UBE2G1: variants seen among roughly 807,000 people sequenced by gnomAD.
The protein encoded by UBE2G1 is ubiquitin conjugating enzyme E2 G1.
UBE2G1 carries 5 observed loss-of-function variants against 22.7 expected under a neutral mutation model. The ratio of observed to expected loss-of-function variants is 0.22; its 90% confidence interval spans 0.12 to 0.46. UBE2G1 has a LOEUF of 0.46. Among genes scored for constraint, UBE2G1 ranks in the 20% least tolerant of loss-of-function variants. The pLI is 0.99. For missense variants in UBE2G1, 88 were observed against 203.9 expected (o/e 0.43, Z 3.46); for synonymous variants, 74 against 67.5 (o/e 1.10, Z -0.47).
chr17:4,277,894 T>G (rs1029346264), intron 5 of UBE2G1, among the ~76,000 whole-genome samples: 8 of 152,026 alleles, frequency 5.3e-5, no homozygotes, highest in African/African-American at 1.9e-4. Flanking sequence ...AAAGCCGGCC[T>G]TGGGGAAACA....
chr17:4,278,557 A>T (rs1598177575), intron 5 of UBE2G1, among the ~76,000 whole-genome samples: 2 of 150,300 alleles, frequency 1.3e-5, no homozygotes, highest in East Asian at 4.3e-4. Context: ...AAGCTAGCAT[A>T]CTATACTCTG....
chr17:4,286,234 G>C (rs901041710), intron 4 of UBE2G1, among the ~76,000 whole-genome samples: 6 of 151,728 alleles, frequency 4.0e-5, no homozygotes, highest in Non-Finnish European at 8.8e-5. Context: ...GCAAAACCCT[G>C]TCTCTACTAA....
chr17:4,350,027 A>G (rs944965363), intron 1 of UBE2G1, among the ~76,000 whole-genome samples: 1 of 152,014 alleles, frequency 6.6e-6, no homozygotes, highest in East Asian at 1.9e-4. Context: ...GACTCAAGCA[A>G]TCCTCCTGCC....
intron 1 of UBE2G1, among the ~76,000 whole-genome samples, chr17:4,316,938 TAAAA>T (rs33950725): frequency 1.2e-4 from 16 of 134,276 alleles, no homozygotes; most frequent in Non-Finnish European, 9.4e-5. Context: ...GTCTCTTGAA[TAAAA>T]AAAAAAAAAA....
intron 1 of UBE2G1, among the ~76,000 whole-genome samples, chr17:4,315,604 G>A (rs1047629189): frequency 6.6e-6 from 1 of 151,312 alleles, no homozygotes; most frequent in African/African-American, 2.4e-5. Context: ...GCCGGGCGTG[G>A]TGGCGGGCGC....
intron 2 of UBE2G1, chr17:4,301,476 C>A: frequency 1.2e-6 from 1 of 803,776 alleles, no homozygotes; most frequent in Middle Eastern, 2.7e-4. Context: ...CTATAATAAT[C>A]CTGCTGCCCT....
At chr17:4,316,530 G>A (rs1969375979) in intron 1 of UBE2G1, among the ~76,000 whole-genome samples, 1 of 152,096 alleles carries the variant, frequency 6.6e-6, no homozygotes, top group African/African-American at 2.4e-5. Context: ...ACTGAAAAAA[G>A]TCAAGCATAG....
intron 1 of UBE2G1, among the ~76,000 whole-genome samples, chr17:4,341,915 G>A (rs1012609899): frequency 6.6e-5 from 10 of 152,076 alleles, no homozygotes; most frequent in Admixed American, 3.9e-4. Context: ...CACTGACGCC[G>A]CTCACACTCC....
chr17:4,356,320 T>C (rs1427467254), intron 1 of UBE2G1, among the ~76,000 whole-genome samples: 2 of 151,814 alleles, frequency 1.3e-5, no homozygotes, highest in East Asian at 2.0e-4. Flanking sequence ...ATGGTGCTAC[T>C]GCACTTCAGC....
At chr17:4,344,411 G>T (rs9907368) in intron 1 of UBE2G1, among the ~76,000 whole-genome samples, 3 of 151,830 alleles carry the variant, frequency 2.0e-5, no homozygotes, top group African/African-American at 7.3e-5. Context: ...GTGGTGATGG[G>T]GGCCTGTAGT....
chr17:4,322,985 T>C (rs1004559153), intron 1 of UBE2G1, among the ~76,000 whole-genome samples: 2 of 152,114 alleles, frequency 1.3e-5, no homozygotes, highest in Non-Finnish European at 2.9e-5. Flanking sequence ...CCTGAATTGT[T>C]TGAGAGGTTT....
At chr17:4,322,273 G>T (rs959502779) in intron 1 of UBE2G1, among the ~76,000 whole-genome samples, 4 of 152,160 alleles carry the variant, frequency 2.6e-5, no homozygotes. Context: ...AGCAGACCAT[G>T]CCAGGTCCAA....
chr17:4,286,851 G>GGCCAACA (rs933465654), intron 4 of UBE2G1, among the ~76,000 whole-genome samples: 5 of 152,056 alleles, frequency 3.3e-5, no homozygotes. Context: ...AGACCAGCCT[G>GGCCAACA]GCCAACATGG....
rs138180510 is a variant in UBE2G1, at chr17:4,326,159, A to C, written c.47-19036T>G. On this transcript the variant is annotated intron_variant, in intron 1 of 5. Transcript: ENST00000396981. ...CTTTAGTTCATCAAAAGCAACCCCC[A>C]AAAAAATGGGAAAAATATTGTAAAT... 1.2e-3 allele frequency among the ~76,000 whole-genome samples: 179 copies of C among 152,052 alleles called. 1 individual carries two copies. The highest frequency in any genetic ancestry group is 3.5e-3 in the East Asian group (18 of 5,182).
At chr17:4,335,657 T>C (rs549665232) in intron 1 of UBE2G1, among the ~76,000 whole-genome samples, 37 of 152,316 alleles carry the variant, frequency 2.4e-4, no homozygotes, top group South Asian at 8.3e-4. Context: ...TTTTTGTCTA[T>C]CTGAAATCAG....
rs183718786 is a variant in UBE2G1 at position 4,346,884 on chromosome 17, G to A, written c.46+19387C>T. On this transcript the variant is annotated intron_variant, in intron 1 of 5. Transcript: ENST00000396981. ...AATGTAGCACAGGATCAGACGCGGT[G>A]GCTCATGCCTGTAATCCCAGCACTT... 1.4e-3 allele frequency among the ~76,000 whole-genome samples: 212 copies of A among 152,068 alleles called. 1 individual carries two copies. The highest frequency in any genetic ancestry group is 4.8e-3 in the African/African-American group (199 of 41,500).
intron 5 of UBE2G1, among the ~76,000 whole-genome samples, chr17:4,274,221 A>T (rs1185510603): frequency 6.2e-5 from 6 of 97,356 alleles, no homozygotes; most frequent in Admixed American, 3.8e-4. Context: ...TTTTTGAGAC[A>T]GAGTCTTGCT....
chr17:4,277,332 T>C (rs1364716918), intron 5 of UBE2G1, among the ~76,000 whole-genome samples: 4 of 152,144 alleles, frequency 2.6e-5, no homozygotes, highest in Non-Finnish European at 4.4e-5. Flanking sequence ...AGATAATAAA[T>C]GTTGTTTCAA....
chr17:4,306,019 A>C (rs1969245512), intron 2 of UBE2G1, among the ~76,000 whole-genome samples: 1 of 152,188 alleles, frequency 6.6e-6, no homozygotes, highest in Admixed American at 6.5e-5. Flanking sequence ...GTCTATCCTT[A>C]AGCCATTGGT....
Sources: gnomAD v4.1 joint callset for allele counts (sites outside exome capture counted in the v4.1 genomes callset) on GRCh38, gnomAD v4.1.1 for gene constraint, MANE v1.5 for transcripts, NCBI Gene and HGNC (gene_info 2026-07-23, HGNC 2026-07-21) for gene names.